Variants in RAB5A observed in about 807,000 individuals in gnomAD.
The protein encoded by RAB5A is ras-related protein Rab-5A.
In RAB5A, 8 loss-of-function variants were observed where a neutral mutation model predicts 25.7. That is an observed-to-expected ratio of 0.31 (90% CI 0.18 to 0.56). RAB5A has a LOEUF of 0.56. Among genes scored for constraint, RAB5A ranks in the 20% least tolerant of loss-of-function variants. The pLI is 0.91. For synonymous variants in RAB5A, 98 were observed against 89.8 expected, an observed-to-expected ratio of 1.09 and a Z score of -0.52; for missense variants, 192 against 259.7, an observed-to-expected ratio of 0.74 and a Z score of 1.79.
At chr3:19,949,797 C>T (rs1405576895) in intron 1 of RAB5A, among the ~76,000 whole-genome samples, 3 of 152,156 alleles carry the variant, frequency 2.0e-5, no homozygotes, top group Non-Finnish European at 4.4e-5. Context: ...GTAATCCCAG[C>T]ACTTTGCGAG....
intron 5 of RAB5A, among the ~76,000 whole-genome samples, chr3:19,983,345 C>CAA (rs34872300): frequency 0.41 from 37,281 of 91,606 alleles, 6,797 homozygotes; most frequent in Non-Finnish European, 0.44. Context: ...GACTACATCT[C>CAA]AAAAAAAAAA....
Position 19,955,304 on chromosome 3 carries a change from A to G in RAB5A, c.163+4243A>G, listed in dbSNP as rs533355729. 3.3e-5 allele frequency among the ~76,000 whole-genome samples: 5 copies of G among 152,322 alleles called. No individual in the cohort carries two copies. The East Asian group carries it at 9.6e-4, about 29-fold the overall frequency. ...GATGATGGAACTGTACATGAAAATA[A>G]CATTCCTCTTGCTGGTTCTGTGATT... On this transcript the variant is annotated intron_variant, in intron 2 of 5. Coordinates refer to ENST00000273047, the MANE Select transcript of RAB5A (RefSeq NM_004162.5).
At chr3:19,953,139 T>C (rs1005416536) in intron 2 of RAB5A, among the ~76,000 whole-genome samples, 1 of 152,200 alleles carries the variant, frequency 6.6e-6, no homozygotes, top group Non-Finnish European at 1.5e-5. Flanking sequence ...AGCTTAAGAT[T>C]AGAATTTTTA....
intron 2 of RAB5A, among the ~76,000 whole-genome samples, chr3:19,972,603 A>G (rs1696766651): frequency 1.3e-5 from 2 of 152,208 alleles, no homozygotes; most frequent in Admixed American, 6.5e-5. Flanking sequence ...CTGTTTTGCC[A>G]TAAGGAAGAA....
intron 3 of RAB5A, 74 bp downstream of exon 3, chr3:19,975,826 T>C (rs1696817087): frequency 6.8e-7 from 1 of 1,466,098 alleles, no homozygotes; most frequent in Admixed American, 2.3e-5. Flanking sequence ...TGATTAAATG[T>C]TTTGGAAAAT....
At chr3:19,959,495 T>C (rs1001947596) in intron 2 of RAB5A, among the ~76,000 whole-genome samples, 4 of 151,966 alleles carry the variant, frequency 2.6e-5, no homozygotes, top group African/African-American at 9.7e-5. Context: ...AAAGAAGATA[T>C]ACATAGAAAG....
intron 5 of RAB5A, among the ~76,000 whole-genome samples, chr3:19,981,601 G>A (rs986643920): frequency 6.8e-6 from 1 of 146,934 alleles, no homozygotes; most frequent in Non-Finnish European, 1.5e-5. Flanking sequence ...GTGACAGAGC[G>A]AGACTCCGCC....
At chr3:19,969,044 G>T (rs9310600) in intron 2 of RAB5A, among the ~76,000 whole-genome samples, 6,462 of 64,858 alleles carry the variant, frequency 0.1, 329 homozygotes, top group Middle Eastern at 0.15. Context: ...TTTTTTTTTT[G>T]GTTTTTTTTT....
Position 19,950,836 on chromosome 3 carries a change from G to A in RAB5A, c.-63G>A, listed in dbSNP as rs1355444296. 27 of 1,496,234 alleles carry A rather than the reference G, an allele frequency of 1.8e-5. No individual in the cohort carries two copies. Among genetic ancestry groups the A allele is most frequent in the East Asian group, 2.3e-5 (1 of 43,964 alleles). The allele number at this position is 1,496,234 out of a possible 1,614,324, so 92.7% of individuals were successfully genotyped here. On this transcript the variant is annotated 5_prime_UTR_variant, in exon 2 of 6. Transcript: ENST00000273047. ...TTTACCTCCAGAAAGAAGAATATTG[G>A]CCCCTTGAATTCTGGAAGTTCATTG...
chr3:19,955,607 T>C (rs376733035), intron 2 of RAB5A, among the ~76,000 whole-genome samples: 77 of 152,218 alleles, frequency 5.1e-4, no homozygotes, highest in African/African-American at 1.9e-3. Context: ...TTTAAAAACA[T>C]TGTTGACTGG....
At chr3:19,964,420 ATTC>A (rs1696632484) in intron 2 of RAB5A, among the ~76,000 whole-genome samples, 2 of 151,958 alleles carry the variant, frequency 1.3e-5, no homozygotes, top group South Asian at 2.1e-4. Context: ...GTGTTCTTTC[ATTC>A]TTCTTCCCAA....
chr3:19,953,659 C>G (rs1029528145), intron 2 of RAB5A, among the ~76,000 whole-genome samples: 3 of 152,128 alleles, frequency 2.0e-5, no homozygotes, highest in African/African-American at 7.2e-5. Context: ...CTGCCTACCT[C>G]GGGCTCTCCA....
chr3:19,962,485 C>G (rs1233228678), intron 2 of RAB5A, among the ~76,000 whole-genome samples: 1 of 152,000 alleles, frequency 6.6e-6, no homozygotes. Context: ...AAGAGAATGG[C>G]TTGAACCTGG....
intron 2 of RAB5A, among the ~76,000 whole-genome samples, chr3:19,961,718 T>C (rs1457491988): frequency 6.6e-6 from 1 of 152,210 alleles, no homozygotes; most frequent in African/African-American, 2.4e-5. Flanking sequence ...CCCCCTCATC[T>C]TCTATCTAGC....
chr3:19,978,543 G>A (rs963067367), intron 5 of RAB5A, 140 bp downstream of exon 5: 3 of 584,536 alleles, frequency 5.1e-6, no homozygotes, highest in Non-Finnish European at 6.2e-6. Context: ...GAGAGAGAGA[G>A]AGATTATACC....
chr3:19,966,854 G>A (rs1236996216), intron 2 of RAB5A, among the ~76,000 whole-genome samples: 1 of 152,034 alleles, frequency 6.6e-6, no homozygotes, highest in African/African-American at 2.4e-5. Flanking sequence ...ACCCAGACTG[G>A]AGTGCAGTAG....
chr3:19,961,280 A>G (rs1397119934), intron 2 of RAB5A, among the ~76,000 whole-genome samples: 2 of 152,230 alleles, frequency 1.3e-5, no homozygotes, highest in African/African-American at 4.8e-5. Context: ...AAGGTTAAGT[A>G]TATGCTTGAA....
At position 19,969,044 on chromosome 3, in the gene RAB5A, G is replaced by GTTTTTTTTTTTTTTTTTTTTTT. The variant is rs746635502; in HGVS notation, c.164-6557_164-6556insTTTTTTTTTTTTTTTTTTTTTT. Among the ~76,000 whole-genome samples, 13 of 65,550 alleles carry GTTTTTTTTTTTTTTTTTTTTTT rather than the reference G, an allele frequency of 2.0e-4. 3 individuals are homozygous for GTTTTTTTTTTTTTTTTTTTTTT. Among genetic ancestry groups the GTTTTTTTTTTTTTTTTTTTTTT allele is most frequent in the Non-Finnish European group, 2.1e-4 (8 of 37,620 alleles). 43.0% of individuals were successfully genotyped at this position (65,550 alleles called of 152,430 possible). ...TTTTTGGTTTTGGTTTTTTTTTTTT[G>GTTTTTTTTTTTTTTTTTTTTTT]GTTTTTTTTTTTTTTTTGAGATGGA... On this transcript the variant is annotated intron_variant, in intron 2 of 5. Transcript: ENST00000273047.
At chr3:19,962,843 G>T (rs1045961725) in intron 2 of RAB5A, among the ~76,000 whole-genome samples, 2 of 151,884 alleles carry the variant, frequency 1.3e-5, no homozygotes, top group African/African-American at 4.8e-5. Flanking sequence ...TTGAATCGGG[G>T]TGTCACTTGC....
Sources: allele counts gnomAD v4.1 joint callset (sites outside exome capture counted in the v4.1 genomes callset), GRCh38; gene constraint gnomAD v4.1.1; transcripts MANE v1.5; gene names NCBI Gene and HGNC (gene_info 2026-07-23, HGNC 2026-07-21).